The following PLXNB1 variants were observed in gnomAD, a reference collection of about 807,000 sequenced individuals.
PLXNB1 encodes the protein plexin-B1.
Under a neutral mutation model 209.4 loss-of-function variants are expected in PLXNB1, and 106 were observed. That is an observed-to-expected ratio of 0.51 (90% CI 0.43 to 0.59). The LOEUF (loss-of-function observed/expected upper bound fraction) is 0.59, where lower values mean the gene tolerates loss of function less well. Among genes scored for constraint, PLXNB1 ranks in the 20% least tolerant of loss-of-function variants. The pLI is 0.00. For synonymous variants in PLXNB1, 1,167 were observed against 1,183.2 expected (o/e 0.99, Z 0.28); for missense variants, 2,357 against 2,853.2 (o/e 0.83, Z 3.96).
Position 48,416,179 on chromosome 3 carries a change from A to G in PLXNB1, c.3481-12T>C, listed in dbSNP as rs112163924. 4.4e-4 allele frequency: 698 copies of G among 1,597,786 alleles called. 1 individual carries two copies. In the African/African-American group the frequency reaches 6.4e-3, roughly 15 times the overall value. ...TGGACCTTCGGATCCTGTGGGACAGACAGGGAGAGAGATGAGCATCAGACC... is the reference window on the plus strand; with the variant it reads ...TGGACCTTCGGATCCTGTGGGACAGGCAGGGAGAGAGATGAGCATCAGACC... On this transcript the variant is annotated splice_polypyrimidine_tract_variant and intron_variant, in intron 17 of 37. Coordinates refer to ENST00000296440, the MANE Select transcript of PLXNB1 (RefSeq NM_001130082.3). The surrounding 1 kb of genome is among the most constrained non-coding windows in gnomAD (Gnocchi z 4.1).
chr3:48,407,349 C>T (rs2106730163), intron 34 of PLXNB1, among the ~76,000 whole-genome samples: 1 of 152,268 alleles, frequency 6.6e-6, no homozygotes, highest in East Asian at 1.9e-4. Flanking sequence ...TTCTCAGCTC[C>T]ACATGCCACC....
At position 48,404,606 on chromosome 3, in the gene PLXNB1, A is replaced by G. The variant is rs2037200312; in HGVS notation, c.6304-16T>C. On this transcript the variant is annotated splice_polypyrimidine_tract_variant and intron_variant, in intron 37 of 37. Coordinates refer to ENST00000296440, the MANE Select transcript of PLXNB1 (RefSeq NM_001130082.3). ...CAGTGATGATCTGAAACAGAGACCA[A>G]TGCCATCAGGGGAGACTTCTTTGGC... The G allele has an allele frequency of 2.6e-6, 4 of 1,565,554 alleles. No individual in the cohort carries two copies. Among genetic ancestry groups the G allele is most frequent in the East Asian group, 2.2e-5 (1 of 44,536 alleles).
rs1043882360 is a variant in PLXNB1, at chr3:48,418,521, G to C, written c.2977C>G (p.Pro993Ala). ...QHQLSYEALQ[P>A]ELRVGLFLRR... ...AGAAACAGCCCCACACGGAGCTCCG[G>C]CTGCAGAGCCTCATAGCTGAGCTGG... The change falls in exon 14 of 38, where the codon CCG becomes GCG. Residue 993 changes from proline (P) to alanine (A), a missense_variant. Around this residue, in one of 7 missense-constraint regions of PLXNB1, gnomAD observed 410 missense variants for 401.0 expected, o/e 1.02. Coordinates refer to ENST00000296440, the MANE Select transcript of PLXNB1 (RefSeq NM_001130082.3). This position sits in a 1 kb window ranked among gnomAD's most constrained non-coding sequence, Gnocchi z 6.6. 1 of 1,606,326 alleles carries C rather than the reference G, an allele frequency of 6.2e-7. No homozygotes were observed. The highest frequency in any genetic ancestry group is 1.3e-5 in the African/African-American group (1 of 74,716).
In PLXNB1 at chr3:48,420,079, C is replaced by CA; in HGVS notation, c.2206dup (p.Trp736LeufsTer22). 1 of 1,613,494 alleles carries CA rather than the reference C, an allele frequency of 6.2e-7. No homozygotes were observed. Among genetic ancestry groups the CA allele is most frequent in the Admixed American group, 1.7e-5 (1 of 59,986 alleles). On this transcript the variant is annotated frameshift_variant, in exon 11 of 38. Transcript: ENST00000296440. LOFTEE classifies it high-confidence loss of function. ...GGAGCCAGAACCTGCCCATGGCCCCCAGGGGCTGAGCAGGGAAGGACTAGC... is the reference window on the plus strand; with the variant it reads ...GGAGCCAGAACCTGCCCATGGCCCCCAAGGGGCTGAGCAGGGAAGGACTAGC...
rs1377550313 is a variant in PLXNB1 at position 48,406,938 on chromosome 3, A to G, written c.6153-40T>C. On this transcript the variant is annotated intron_variant, in intron 35 of 37. Transcript: ENST00000296440. The surrounding 1 kb of genome is among the most constrained non-coding windows in gnomAD (Gnocchi z 4.4). ...GGGCACAGCAGCTGCTGGGTAAACA[A>G]GCCCACTCCCCTGCTCCCAACCAGA... 13 of 1,608,982 alleles carry G rather than the reference A, an allele frequency of 8.1e-6. No homozygotes were observed. The highest frequency in any genetic ancestry group is 1.1e-5 in the Non-Finnish European group (13 of 1,175,786).
In PLXNB1 at chr3:48,417,943, A is replaced by G. The variant is rs185838635; in HGVS notation, c.3342T>C (p.Ala1114=). 2.1e-4 allele frequency: 346 copies of G among 1,612,970 alleles called. 1 individual carries two copies. The East Asian group carries it at 6.2e-3, about 29-fold the overall frequency. The change falls in exon 16 of 38, where the codon GCT becomes GCC. Residue 1114 remains alanine, a synonymous_variant. Transcript: ENST00000296440. This position sits in a 1 kb window ranked among gnomAD's most constrained non-coding sequence, Gnocchi z 4.4. ...AGACCTCGTACTCCTGGGCATCCAC[A>G]GCACAGGGCACTCCAGCCACCGTGA... ...GMVTVAGVPC[A]VDAQEYEVSS...
rs190175147 is a variant in PLXNB1 at position 48,417,503 on chromosome 3, T to C, written c.3374+408A>G. ...CTGAGGTGTGCCTTCCAAGTCTACC[T>C]TCCTGAAGAGCCTGGCAGCCCAGGA... On this transcript the variant is annotated intron_variant, in intron 16 of 37. Coordinates refer to ENST00000296440, the MANE Select transcript of PLXNB1 (RefSeq NM_001130082.3). This position sits in a 1 kb window ranked among gnomAD's most constrained non-coding sequence, Gnocchi z 4.4. Among the ~76,000 whole-genome samples the C allele has an allele frequency of 0.012, 1,901 of 152,326 alleles. 23 individuals carry two copies. Among genetic ancestry groups the C allele is most frequent in the Non-Finnish European group, 0.02 (1,369 of 68,008 alleles).
rs974870127 is a variant in PLXNB1, at chr3:48,429,308, G to T, written c.-60+700C>A. 1 of 151,334 alleles carries T rather than the reference G, an allele frequency of 6.6e-6. No individual in the cohort carries two copies. The highest frequency in any genetic ancestry group is 2.4e-5 in the African/African-American group (1 of 41,306). The allele number at this position is 151,334 out of a possible 1,614,324, so 9.4% of individuals were successfully genotyped here. On this transcript the variant is annotated intron_variant, in intron 1 of 37. Coordinates refer to ENST00000296440, the MANE Select transcript of PLXNB1 (RefSeq NM_001130082.3). This position sits in a 1 kb window ranked among gnomAD's most constrained non-coding sequence, Gnocchi z 6.4. ...CCGAGGCGGGCGTCGGCCGCTCCGG[G>T]CTCGGGCTCCGCGCGCAGCGGCCTC... is the stretch of plus-strand genomic sequence containing the variant.
In PLXNB1 at chr3:48,418,311, A is replaced by G. The variant is rs201127232; in HGVS notation, c.3102T>C (p.Thr1034=). ...ACACACAGCCATACTGGGGCATGGC[A>G]GTTTGGCAGCGGCTGCAGTCTCCAT... is the stretch of plus-strand genomic sequence containing the variant. ...VGHGDCSRCQ[T]AMPQYGCVWC... Residue 1034 remains threonine, a synonymous_variant, in exon 15 of 38, where the codon ACT becomes ACC. Transcript: ENST00000296440. The surrounding 1 kb of genome is among the most constrained non-coding windows in gnomAD (Gnocchi z 6.6). The G allele has an allele frequency of 1.9e-6, 3 of 1,613,772 alleles. No homozygotes were observed. In the Admixed American group the frequency reaches 5.0e-5, roughly 27 times the overall value.
Position 48,416,435 on chromosome 3 carries a change from C to T in PLXNB1, c.3391G>A (p.Gly1131Arg), listed in dbSNP as rs751659760. ...CCGGCCACCTCCTCCCCACTGGCCC[C>T]GGTGATGCACACGAGGCTGTAGGCA... ...EVSSSLVCITGASGEEVAGAT... is the reference protein window; with the variant it reads ...EVSSSLVCITRASGEEVAGAT... Residue 1131 changes from glycine (G) to arginine (R), a missense_variant, in exon 17 of 38, where the codon GGG becomes AGG. Physicochemically the swap from Gly to Arg is moderately radical, Grantham distance 125. This residue lies in a region of PLXNB1 where 743 missense variants were observed against 896.2 expected (regional missense o/e 0.83). Transcript: ENST00000296440. This position sits in a 1 kb window ranked among gnomAD's most constrained non-coding sequence, Gnocchi z 4.1. 1.9e-6 allele frequency: 3 copies of T among 1,612,600 alleles called. No homozygotes were observed. Among genetic ancestry groups the T allele is most frequent in the Non-Finnish European group, 2.5e-6 (3 of 1,179,586 alleles).
Position 48,422,913 on chromosome 3 carries a change from T to C in PLXNB1, c.1142A>G (p.His381Arg). ...CCGGCTGGCCATGGGGCTGGGCGTG[T>C]GGTCTGAGCCACAGGGATAAGCATC... is the stretch of plus-strand genomic sequence containing the variant. ...TLDAYPCGSD[H>R]TPSPMASRVP... The change falls in exon 4 of 38, where the codon CAC (histidine) becomes CGC (arginine). Residue 381 changes from histidine (H) to arginine (R), a missense_variant. His to Arg is a conservative substitution (Grantham distance 29). This residue lies in a region of PLXNB1 where 404 missense variants were observed against 443.6 expected (regional missense o/e 0.91). Transcript: ENST00000296440. 6.2e-7 allele frequency: 1 copy of C among 1,614,036 alleles called. No homozygotes were observed. Among genetic ancestry groups the C allele is most frequent in the Non-Finnish European group, 8.5e-7 (1 of 1,179,962 alleles).
Position 48,419,124 on chromosome 3 carries a change from C to T in PLXNB1, c.2833-85G>A, listed in dbSNP as rs1467522996. ...AGGTCACCCAACAGATCCCCCAGCA[C>T]AGCTTCTGGGTTGGAGTTGAGCCCT... On this transcript the variant is annotated intron_variant, in intron 12 of 37. Transcript: ENST00000296440. This position sits in a 1 kb window ranked among gnomAD's most constrained non-coding sequence, Gnocchi z 5.7. 141 of 1,582,376 alleles carry T rather than the reference C, an allele frequency of 8.9e-5. No individual in the cohort carries two copies. The highest frequency in any genetic ancestry group is 1.1e-4 in the Non-Finnish European group (132 of 1,159,026).
rs1388745479 is a variant in PLXNB1, at chr3:48,412,827, C to T, written c.4769G>A (p.Gly1590Asp). 1 of 1,613,628 alleles carries T rather than the reference C, an allele frequency of 6.2e-7. No homozygotes were observed. The highest frequency in any genetic ancestry group is 8.5e-7 in the Non-Finnish European group (1 of 1,180,038). Residue 1590 changes from glycine to aspartate, a missense_variant, in exon 25 of 38, where the codon GGT (glycine) becomes GAT (aspartate). Gly to Asp is a moderately conservative substitution (Grantham distance 94). Around this residue, in one of 7 missense-constraint regions of PLXNB1, gnomAD observed 743 missense variants for 896.2 expected, o/e 0.83. Transcript: ENST00000296440. ...AGTGGGCCGTCTGCTCTCAGGCACA[C>T]CCAGGTCCCGGTGCAAGGGCGACTC... is the stretch of plus-strand genomic sequence containing the variant. ...HRESPLHRDL[G>D]VPESRRPTVE... is the part of the protein sequence containing the mutation.
Position 48,420,135 on chromosome 3 carries a change from G to A in PLXNB1, c.2151C>T (p.Ser717=). ...GTGAGATGTCCGAAGCTGTGGCTGT[G>A]GAGGGAGCCCCAGGCTCCACGGGAA... ...DTLPVEPGAP[S]TATASDISPG... The change falls in exon 11 of 38, where the codon TCC becomes TCT. Residue 717 remains serine (S), a synonymous_variant. Transcript: ENST00000296440. The A allele has an allele frequency of 6.2e-7, 1 of 1,612,546 alleles. No homozygotes were observed. The highest frequency in any genetic ancestry group is 8.5e-7 in the Non-Finnish European group (1 of 1,179,564).
Position 48,404,282 on chromosome 3 carries a change from G to GT in PLXNB1, c.*203dup. ...TCGCTGGACTCGGGGAGCAGGCTGG[G>GT]TACTACCCCATGAGCCTTGAGGCCC... is the stretch of plus-strand genomic sequence containing the variant. On this transcript the variant is annotated 3_prime_UTR_variant, in exon 38 of 38. Coordinates refer to ENST00000296440, the MANE Select transcript of PLXNB1 (RefSeq NM_001130082.3). 1.7e-6 allele frequency: 1 copy of GT among 572,442 alleles called. No individual in the cohort carries two copies. The highest frequency in any genetic ancestry group is 3.1e-6 in the Non-Finnish European group (1 of 322,458). 35.5% of individuals were successfully genotyped at this position (572,442 alleles called of 1,614,324 possible).
chr3:48,409,835 C>A lies in PLXNB1; in HGVS notation c.5778+70G>T, dbSNP rs1240308286. ...CTGTGCCTGCACGAGCCCCACACCA[C>A]CCCCAAATCCCACGAGTGGCCATGC... is the stretch of plus-strand genomic sequence containing the variant. On this transcript the variant is annotated intron_variant, in intron 32 of 37. Coordinates refer to ENST00000296440, the MANE Select transcript of PLXNB1 (RefSeq NM_001130082.3). The surrounding 1 kb of genome is among the most constrained non-coding windows in gnomAD (Gnocchi z 5.8). The A allele has an allele frequency of 1.3e-6, 2 of 1,576,492 alleles. No homozygotes were observed. Among genetic ancestry groups the A allele is most frequent in the African/African-American group, 2.7e-5 (2 of 74,144 alleles).
Position 48,409,487 on chromosome 3 carries a change from G to A in PLXNB1, c.5940-11C>T. 2 of 1,614,108 alleles carry A rather than the reference G, an allele frequency of 1.2e-6. No individual in the cohort carries two copies. Among genetic ancestry groups the A allele is most frequent in the Non-Finnish European group, 1.7e-6 (2 of 1,180,028 alleles). On this transcript the variant is annotated splice_polypyrimidine_tract_variant and intron_variant, in intron 33 of 37. Coordinates refer to ENST00000296440, the MANE Select transcript of PLXNB1 (RefSeq NM_001130082.3). The surrounding 1 kb of genome is among the most constrained non-coding windows in gnomAD (Gnocchi z 5.8). The stretch of plus-strand genomic sequence containing the variant: ...AACCTCAGAGGCAAGCTGCGGGTGG[G>A]GCAGGCATGGCCGATGAATGTGCTG...
Position 48,413,032 on chromosome 3 carries a change from G to A in PLXNB1, c.4636+37C>T, listed in dbSNP as rs1297921119. On this transcript the variant is annotated intron_variant, in intron 24 of 37. Coordinates refer to ENST00000296440, the MANE Select transcript of PLXNB1 (RefSeq NM_001130082.3). The surrounding 1 kb of genome is among the most constrained non-coding windows in gnomAD (Gnocchi z 5.4). ...CGTGTGATGGGAGTGGGTTTGGGCA[G>A]AGTTCTGGAGGGCGGGGCCCATTCT... 2 of 1,608,800 alleles carry A rather than the reference G, an allele frequency of 1.2e-6. No individual in the cohort carries two copies. Among genetic ancestry groups the A allele is most frequent in the South Asian group, 1.1e-5 (1 of 90,978 alleles).
chr3:48,423,358 C>G, intron 3 of PLXNB1, 147 bp downstream of exon 3: 1 of 878,114 alleles, frequency 1.1e-6, no homozygotes, highest in Middle Eastern at 2.4e-4. Context: ...ACTGCCCAGG[C>G]AACATAGGAA....
Sources: gnomAD v4.1 joint callset for allele counts (sites outside exome capture counted in the v4.1 genomes callset) on GRCh38, gnomAD v4.1.1 for gene constraint, gnomAD v4.1.1 regional missense constraint, Gnocchi (gnomAD v3.1) non-coding constraint, MANE v1.5 for transcripts, NCBI Gene and HGNC (gene_info 2026-07-23, HGNC 2026-07-21) for gene names.